The following NPR1 variants were observed in gnomAD, a reference collection of about 807,000 sequenced individuals.
NPR1 encodes natriuretic peptide receptor 1.
NPR1 carries 57 observed loss-of-function variants against 116.9 expected under a neutral mutation model. That is an observed-to-expected ratio of 0.49 (90% confidence interval 0.39 to 0.61). The LOEUF is 0.61. Ranked by LOEUF, NPR1 falls within the 20% of genes least tolerant of loss-of-function variation. The probability of loss-of-function intolerance (pLI) is 0.00; values close to 1 mark genes in which losing one functional copy is unlikely to be tolerated. For synonymous variants in NPR1, 555 were observed against 601.6 expected (o/e 0.92, Z 1.13); for missense variants, 1,096 against 1,409.8 (o/e 0.78, Z 3.56).
intron 4 of NPR1, 138 bp downstream of exon 4, chr1:153,681,977 C>A: frequency 9.7e-7 from 1 of 1,026,042 alleles, no homozygotes; most frequent in Non-Finnish European, 1.4e-6. Context: ...TTTTTTCAGG[C>A]CCATCCCTCA....
chr1:153,685,380 T>G (rs1571348673), intron 8 of NPR1, among the ~76,000 whole-genome samples: 1 of 147,636 alleles, frequency 6.8e-6, no homozygotes, highest in Non-Finnish European at 1.5e-5. Flanking sequence ...TAAAGCAGGG[T>G]GGGCCAGGCA....
In NPR1 at chr1:153,688,150, G is replaced by A; in HGVS notation, c.2346G>A (p.Arg782=). 6.2e-7 allele frequency: 1 copy of A among 1,613,932 alleles called. No individual in the cohort carries two copies. ...AGGAGTTGGGGCTGCTCATGCAGCG[G>A]TGCTGGGCTGAGGACCCACAGGAGA... ...HLEELGLLMQ[R]CWAEDPQERP... is the part of the protein sequence containing the mutation. The change falls in exon 15 of 22, where the codon CGG becomes CGA. Residue 782 remains arginine, a synonymous_variant. Coordinates refer to ENST00000368680, the MANE Select transcript of NPR1 (RefSeq NM_000906.4).
rs891979576 is a variant in NPR1 at position 153,685,076 on chromosome 1, C to T, written c.1597C>T (p.Leu533=). The T allele has an allele frequency of 4.3e-6, 7 of 1,613,926 alleles. No homozygotes were observed. Among genetic ancestry groups the T allele is most frequent in the Non-Finnish European group, 5.9e-6 (7 of 1,179,986 alleles). ...HLRSAGSRLT[L]SGRGSNYGSL... ...GCGGAGTGCAGGCAGCCGGCTGACCCTGAGCGGGGTAAGAACGCTGGTGTT... is the reference window on the plus strand; with the variant it reads ...GCGGAGTGCAGGCAGCCGGCTGACCTTGAGCGGGGTAAGAACGCTGGTGTT... The change falls in exon 8 of 22, where the codon CTG becomes TTG. Residue 533 remains leucine (L), a synonymous_variant. Transcript: ENST00000368680.
intron 7 of NPR1, 75 bp downstream of exon 7, chr1:153,683,899 C>T: frequency 7.4e-7 from 1 of 1,352,492 alleles, no homozygotes; most frequent in Non-Finnish European, 1.1e-6. Flanking sequence ...GGTGGGGACC[C>T]AGAGGGAAGA....
chr1:153,689,556 A>G lies in NPR1; in HGVS notation c.2757+35A>G. 1.9e-6 allele frequency: 3 copies of G among 1,589,428 alleles called. 1 individual carries two copies. In the South Asian group the frequency reaches 3.3e-5, roughly 18 times the overall value. ...GGAGTGGGGATGGGAAGGGACAGAC[A>G]GACATGGACAAGGTCAGAAAAAGAT... On this transcript the variant is annotated intron_variant, in intron 18 of 21. Transcript: ENST00000368680. This position sits in a 1 kb window ranked among gnomAD's most constrained non-coding sequence, Gnocchi z 5.1.
In NPR1 at chr1:153,683,487, A is replaced by T; in HGVS notation, c.1375A>T (p.Asn459Tyr). The change falls in exon 6 of 22, where the codon AAC (asparagine) becomes TAC (tyrosine). Residue 459 changes from asparagine (N) to tyrosine (Y), a missense_variant. By Grantham distance (143) the Asn-to-Tyr change is moderately radical. Transcript: ENST00000368680. ...PPDIPKCGFD[N>Y]EDPACNQDHL... ...TGACATCCCCAAATGTGGCTTTGAC[A>T]ACGAAGACCCAGCATGCAACCAAGG... 1 of 1,614,184 alleles carries T rather than the reference A, an allele frequency of 6.2e-7. No individual in the cohort carries two copies. Among genetic ancestry groups the T allele is most frequent in the Non-Finnish European group, 8.5e-7 (1 of 1,180,026 alleles).
chr1:153,682,124 G>A (rs546467712), intron 4 of NPR1, among the ~76,000 whole-genome samples: 69 of 151,536 alleles, frequency 4.6e-4, no homozygotes, highest in African/African-American at 1.6e-3. Flanking sequence ...GTGCAATCTC[G>A]GCTCACTTCA....
intron 5 of NPR1, 52 bp downstream of exon 5, chr1:153,682,641 T>C: frequency 7.4e-7 from 1 of 1,350,686 alleles, no homozygotes; most frequent in Non-Finnish European, 1.1e-6. Context: ...CATCTCACCC[T>C]CCTACTTCCC....
Position 153,683,358 on chromosome 1 carries a change from A to G in NPR1, c.1264-18A>G, listed in dbSNP as rs747078778. 6.2e-7 allele frequency: 1 copy of G among 1,611,170 alleles called. No homozygotes were observed. The highest frequency in any genetic ancestry group is 1.1e-5 in the South Asian group (1 of 90,786). On this transcript the variant is annotated intron_variant, in intron 5 of 21. Coordinates refer to ENST00000368680, the MANE Select transcript of NPR1 (RefSeq NM_000906.4). Reference sequence around the variant, plus strand: ...CCCCGCAGGCCCTGGCCTAGCCACCACTCCTGCTCTCCCTTAGGTTGTACT... The same window carrying G: ...CCCCGCAGGCCCTGGCCTAGCCACCGCTCCTGCTCTCCCTTAGGTTGTACT...
In NPR1 at chr1:153,679,805, C is replaced by T. The variant is rs755262772; in HGVS notation, c.697C>T (p.Arg233Trp). The T allele has an allele frequency of 6.5e-7, 1 of 1,544,342 alleles. No homozygotes were observed. Among genetic ancestry groups the T allele is most frequent in the Non-Finnish European group, 8.7e-7 (1 of 1,149,316 alleles). The change falls in exon 1 of 22, where the codon CGG (arginine) becomes TGG (tryptophan). Residue 233 changes from arginine (R) to tryptophan (W), a missense_variant. Coordinates refer to ENST00000368680, the MANE Select transcript of NPR1 (RefSeq NM_000906.4). The surrounding 1 kb of genome is among the most constrained non-coding windows in gnomAD (Gnocchi z 4.2). ...DDLSHYTRLL[R>W]TMPRKGRVIY... ...CCTCAGCCACTACACCAGGCTGCTG[C>T]GGACCATGCCGCGCAAAGGCCGAGG...
At position 153,689,891 on chromosome 1, in the gene NPR1, T is replaced by C; in HGVS notation, c.2843T>C (p.Met948Thr). The change falls in exon 19 of 22, where the codon ATG becomes ACG. Residue 948 changes from methionine to threonine, a missense_variant. Coordinates refer to ENST00000368680, the MANE Select transcript of NPR1 (RefSeq NM_000906.4). The surrounding 1 kb of genome is among the most constrained non-coding windows in gnomAD (Gnocchi z 5.1). ...CTACACGCCTGCGAGGTAGCCCGCA[T>C]GGCCCTGGCACTGCTGGATGCTGTG... The part of the protein sequence containing the change: ...GRLHACEVAR[M>T]ALALLDAVRS... 2 of 1,579,566 alleles carry C rather than the reference T, an allele frequency of 1.3e-6. No homozygotes were observed. The highest frequency in any genetic ancestry group is 1.3e-5 in the African/African-American group (1 of 74,374).
In NPR1 at chr1:153,687,660, C is replaced by T. The variant is rs1669969169; in HGVS notation, c.2119C>T (p.Leu707=). ...AKKLWTAPEL[L]RMASPPVRGS... ...AAAGCTGTGGACGGCCCCTGAGCTC[C>T]TGCGAATGGCTTCACCCCCTGTGCG... Residue 707 remains leucine (L), a synonymous_variant, in exon 14 of 22, where the codon CTG becomes TTG. Transcript: ENST00000368680. 1 of 1,597,172 alleles carries T rather than the reference C, an allele frequency of 6.3e-7. No homozygotes were observed. Among genetic ancestry groups the T allele is most frequent in the Non-Finnish European group, 8.6e-7 (1 of 1,168,030 alleles).
Position 153,689,990 on chromosome 1 carries a change from C to T in NPR1, c.2932+10C>T, listed in dbSNP as rs1281314920. ...ATTGGCATCCACACAGGTAAGGCCA[C>T]TGAAGGTGCAGGCGGGCATCCAGAG... is the stretch of plus-strand genomic sequence containing the variant. On this transcript the variant is annotated intron_variant, in intron 19 of 21. Transcript: ENST00000368680. The surrounding 1 kb of genome is among the most constrained non-coding windows in gnomAD (Gnocchi z 5.1). The T allele has an allele frequency of 3.3e-6, 5 of 1,501,256 alleles. No individual in the cohort carries two copies. The highest frequency in any genetic ancestry group is 2.5e-5 in the East Asian group (1 of 40,132). The allele number at this position is 1,501,256 out of a possible 1,614,324, so 93.0% of individuals were successfully genotyped here. A position where few individuals can be genotyped will look rare whatever the true frequency, so the allele number is the denominator to read the frequency against.
At position 153,686,759 on chromosome 1, in the gene NPR1, G is replaced by T. The variant is rs912850015; in HGVS notation, c.1863+9G>T. The T allele has an allele frequency of 1.9e-6, 3 of 1,610,150 alleles. No individual in the cohort carries two copies. In the Admixed American group the frequency reaches 5.0e-5, roughly 27 times the overall value. ...CCCGTGGGAGCCTGCAGGTGAGGGG[G>T]ACAAGGGGTGTCAAGAAACCTGGGT... is the stretch of plus-strand genomic sequence containing the variant. On this transcript the variant is annotated intron_variant, in intron 11 of 21. Coordinates refer to ENST00000368680, the MANE Select transcript of NPR1 (RefSeq NM_000906.4).
At position 153,685,886 on chromosome 1, in the gene NPR1, C is replaced by T; in HGVS notation, c.1680+6C>T. On this transcript the variant is annotated splice_donor_region_variant and intron_variant, in intron 9 of 21. Transcript: ENST00000368680. ...CCAAGACAGCATATTATAAGGTGGG[C>T]CTGGGGAAAGATCACTGGGCCTTGG... 1 of 1,612,874 alleles carries T rather than the reference C, an allele frequency of 6.2e-7. No individual in the cohort carries two copies. Among genetic ancestry groups the T allele is most frequent in the Non-Finnish European group, 8.5e-7 (1 of 1,179,012 alleles).
At chr1:153,683,854 G>T in intron 7 of NPR1, 30 bp downstream of exon 7, 1 of 1,600,734 alleles carries the variant, frequency 6.2e-7, no homozygotes. Flanking sequence ...GTTGAGTGAG[G>T]CTGGGGGACC....
rs760988464 is a variant in NPR1 at position 153,689,445 on chromosome 1, C to T, written c.2689-8C>T. On this transcript the variant is annotated splice_polypyrimidine_tract_variant and splice_region_variant and intron_variant, in intron 17 of 21. Transcript: ENST00000368680. The surrounding 1 kb of genome is among the most constrained non-coding windows in gnomAD (Gnocchi z 5.1). ...TTCCTGTCTCTCTTAGCTTCTCTTC[C>T]CTTCCAGGTGGTGACCCTGCTCAAT... 1 of 1,613,950 alleles carries T rather than the reference C, an allele frequency of 6.2e-7. No individual in the cohort carries two copies. The highest frequency in any genetic ancestry group is 1.3e-5 in the African/African-American group (1 of 74,902).
At chr1:153,684,678 C>T (rs1231314852) in intron 7 of NPR1, among the ~76,000 whole-genome samples, 1 of 152,162 alleles carries the variant, frequency 6.6e-6, no homozygotes, top group African/African-American at 2.4e-5. Context: ...GCATGAGCCA[C>T]TGTGCCTGGC....
intron 7 of NPR1, 32 bp from the exon 8 acceptor site, chr1:153,684,932 C>T: frequency 1.2e-6 from 2 of 1,612,172 alleles, no homozygotes; most frequent in Non-Finnish European, 1.7e-6. Flanking sequence ...AGCGGCTCAG[C>T]CACAGGCTCA....
Sources: allele counts gnomAD v4.1 joint callset (sites outside exome capture counted in the v4.1 genomes callset), GRCh38; gene constraint gnomAD v4.1.1; non-coding constraint Gnocchi (gnomAD v3.1); transcripts MANE v1.5; gene names NCBI Gene and HGNC (gene_info 2026-07-23, HGNC 2026-07-21).